DGKB: variants seen among roughly 807,000 people sequenced by gnomAD.
DGKB encodes diacylglycerol kinase beta.
DGKB carries 67 observed loss-of-function variants against 114.3 expected under a neutral mutation model. That is an observed-to-expected ratio of 0.59 (90% CI 0.48 to 0.72). The LOEUF is 0.72. DGKB is among the 30% of genes least tolerant of loss of function. The probability of loss-of-function intolerance (pLI) is 0.00; values close to 1 mark genes in which losing one functional copy is unlikely to be tolerated. For synonymous variants in DGKB, 398 were observed against 323.1 expected (o/e 1.23, Z -2.49); for missense variants, 907 against 975.2 (o/e 0.93, Z 0.93).
chr7:14,756,264 T>C (rs575345733), intron 3 of DGKB, among the ~76,000 whole-genome samples: 19 of 152,172 alleles, frequency 1.2e-4, no homozygotes, highest in African/African-American at 4.3e-4. Flanking sequence ...AATTTTTGTG[T>C]CTTATAGCAA....
At chr7:14,483,477 G>A (rs977950108) in intron 20 of DGKB, among the ~76,000 whole-genome samples, 4 of 152,120 alleles carry the variant, frequency 2.6e-5, no homozygotes, top group African/African-American at 7.2e-5. Flanking sequence ...AGTTGATGAC[G>A]TAAAGGACTG....
In DGKB at chr7:14,672,086, T is replaced by A. The variant is rs1819060295; in HGVS notation, c.1134+843A>T. Among the ~76,000 whole-genome samples, 4 of 151,988 alleles carry A rather than the reference T, an allele frequency of 2.6e-5. 1 individual carries two copies. In the South Asian group the frequency reaches 8.3e-4, roughly 32 times the overall value. On this transcript the variant is annotated intron_variant, in intron 13 of 25. Coordinates refer to ENST00000402815, the MANE Select transcript of DGKB (RefSeq NM_001350709.2). ...TAAAATACAACCAGTATTTTACAGA[T>A]AATTAGAATCATAAGTGGTACAAAA...
chr7:14,630,180 C>G (rs1809429195), intron 14 of DGKB, 56 bp downstream of exon 14: 1 of 1,209,578 alleles, frequency 8.3e-7, no homozygotes, highest in Non-Finnish European at 1.1e-6. Flanking sequence ...TACAGCAATA[C>G]AAGATGTATA....
chr7:14,294,985 T>C (rs1802313579), intron 23 of DGKB, among the ~76,000 whole-genome samples: 1 of 152,144 alleles, frequency 6.6e-6, no homozygotes, highest in South Asian at 2.1e-4. Context: ...CAAATGGAGA[T>C]GAACCAACAA....
intron 21 of DGKB, among the ~76,000 whole-genome samples, chr7:14,438,655 T>C (rs1053548233): frequency 6.6e-6 from 1 of 152,098 alleles, no homozygotes; most frequent in African/African-American, 2.4e-5. Context: ...GAACTATAGA[T>C]AACAGCATAG....
At chr7:14,418,763 T>G (rs781012140) in intron 21 of DGKB, among the ~76,000 whole-genome samples, 1 of 151,956 alleles carries the variant, frequency 6.6e-6, no homozygotes, top group Non-Finnish European at 1.5e-5. Context: ...TTAAGCTTGT[T>G]GTCTTAGATT....
At chr7:14,923,577 C>A (rs939085239) in intron 1 of DGKB, among the ~76,000 whole-genome samples, 17 of 152,078 alleles carry the variant, frequency 1.1e-4, no homozygotes, top group African/African-American at 3.6e-4. Flanking sequence ...TAGTTCAAAC[C>A]ATCATTATTT....
chr7:14,856,665 GTA>G (rs1283621091), intron 1 of DGKB, among the ~76,000 whole-genome samples: 1 of 151,472 alleles, frequency 6.6e-6, no homozygotes, highest in Non-Finnish European at 1.5e-5. Flanking sequence ...TTGTGTGTGT[GTA>G]TATATATATA....
At chr7:14,214,004 C>T (rs1482533771) in intron 23 of DGKB, among the ~76,000 whole-genome samples, 1 of 152,038 alleles carries the variant, frequency 6.6e-6, no homozygotes, top group Non-Finnish European at 1.5e-5. Context: ...CTTTTTCTCT[C>T]TTGCCATTTA....
Position 14,973,444 on chromosome 7 carries a change from T to C in DGKB, c.-188+1252A>G, listed in dbSNP as rs192276351. ...GAAATTGATACAATAACATATGGAT[T>C]GAAAATTAAGTTAATCATACTATTT... On this transcript the variant is annotated intron_variant, in intron 1 of 4. Coordinates refer to the DGKB transcript ENST00000437998. 9.9e-5 allele frequency among the ~76,000 whole-genome samples: 15 copies of C among 151,862 alleles called. No individual in the cohort carries two copies. The East Asian group carries it at 2.9e-3, about 29-fold the overall frequency.
chr7:14,253,725 T>C (rs989498733), intron 23 of DGKB, among the ~76,000 whole-genome samples: 4 of 152,196 alleles, frequency 2.6e-5, no homozygotes, highest in African/African-American at 9.7e-5. Flanking sequence ...CTTTACTTTT[T>C]ATTATCCTCT....
intron 23 of DGKB, among the ~76,000 whole-genome samples, chr7:14,290,952 G>A (rs1486758044): frequency 6.6e-6 from 1 of 151,682 alleles, no homozygotes; most frequent in Non-Finnish European, 1.5e-5. Context: ...GACAAGCCTG[G>A]CCAACCTGGT....
intron 2 of DGKB, among the ~76,000 whole-genome samples, chr7:14,826,829 T>A (rs1257320575): frequency 1.3e-5 from 2 of 152,166 alleles, no homozygotes; most frequent in East Asian, 1.9e-4. Context: ...AAGCTCTTTA[T>A]AAGTGTTAGA....
At chr7:14,792,177 A>T (rs1840753966) in intron 2 of DGKB, among the ~76,000 whole-genome samples, 1 of 152,156 alleles carries the variant, frequency 6.6e-6, no homozygotes, top group African/African-American at 2.4e-5. Flanking sequence ...TAGCTACATG[A>T]CATCTACAGG....
At chr7:14,550,064 A>G (rs778227515) in intron 20 of DGKB, among the ~76,000 whole-genome samples, 37 of 152,128 alleles carry the variant, frequency 2.4e-4, no homozygotes, top group Non-Finnish European at 5.0e-4. Flanking sequence ...TAAAACTAAA[A>G]CAGTAATTTT....
chr7:14,574,856 A>G (rs547331059), intron 19 of DGKB, among the ~76,000 whole-genome samples: 11 of 152,278 alleles, frequency 7.2e-5, no homozygotes, highest in Non-Finnish European at 1.3e-4. Context: ...TTTAAGTAAA[A>G]GGTCCTACTT....
At chr7:14,715,001 A>G (rs1342756624) in intron 6 of DGKB, among the ~76,000 whole-genome samples, 2 of 152,180 alleles carry the variant, frequency 1.3e-5, no homozygotes, top group East Asian at 3.9e-4. Flanking sequence ...ATACTAGTTT[A>G]ATCTAATCCT....
At chr7:14,856,431 ACT>A (rs1850159933) in intron 1 of DGKB, among the ~76,000 whole-genome samples, 1 of 152,092 alleles carries the variant, frequency 6.6e-6, no homozygotes, top group Non-Finnish European at 1.5e-5. Flanking sequence ...TGTTAATACC[ACT>A]GTTTATTATT....
chr7:14,862,933 T>C (rs1851201585), intron 1 of DGKB, among the ~76,000 whole-genome samples: 2 of 152,186 alleles, frequency 1.3e-5, no homozygotes, highest in East Asian at 3.9e-4. Context: ...TTTTCTCTGC[T>C]TTCCCTCTGA....
Sources: gnomAD v4.1 joint callset for allele counts (sites outside exome capture counted in the v4.1 genomes callset) on GRCh38, gnomAD v4.1.1 for gene constraint, MANE v1.5 for transcripts, NCBI Gene and HGNC (gene_info 2026-07-23, HGNC 2026-07-21) for gene names.